The following IQCM variants were observed in gnomAD, a reference collection of about 807,000 sequenced individuals.
IQCM encodes IQ motif containing M, also known as IQ domain-containing protein M.
In IQCM, 45 loss-of-function variants were observed where a neutral mutation model predicts 57.6. That is an observed-to-expected ratio of 0.78 (90% CI 0.62 to 1.00). IQCM has a LOEUF of 1.00. Ranked by LOEUF, IQCM falls within the 50% of genes least tolerant of loss-of-function variation. The pLI is 0.00. For missense variants in IQCM, 468 were observed against 511.6 expected, an observed-to-expected ratio of 0.91 and a Z score of 0.82; for synonymous variants, 148 against 158.9, an observed-to-expected ratio of 0.93 and a Z score of 0.51.
At chr4:149,627,093 AT>A (rs1756877940) in intron 7 of IQCM, among the ~76,000 whole-genome samples, 1 of 152,186 alleles carries the variant, frequency 6.6e-6, no homozygotes, top group Non-Finnish European at 1.5e-5. Context: ...CAGCAGCAGT[AT>A]TTGATACAGC....
chr4:149,413,407 G>A (rs1240913182), intron 13 of IQCM, among the ~76,000 whole-genome samples: 3 of 152,112 alleles, frequency 2.0e-5, no homozygotes, highest in African/African-American at 7.2e-5. Context: ...AACCTGTAGC[G>A]GGGAGCAGAG....
intron 13 of IQCM, among the ~76,000 whole-genome samples, chr4:149,371,331 G>A (rs1022496207): frequency 6.6e-6 from 1 of 152,168 alleles, no homozygotes; most frequent in Non-Finnish European, 1.5e-5. Flanking sequence ...GTGACCCACT[G>A]CCACACTGGA....
chr4:149,381,580 A>C (rs891341267), intron 13 of IQCM, among the ~76,000 whole-genome samples: 2 of 152,060 alleles, frequency 1.3e-5, no homozygotes, highest in Admixed American at 1.3e-4. Flanking sequence ...CTCCTCAATT[A>C]TCTGCCTAGC....
intron 2 of IQCM, among the ~76,000 whole-genome samples, chr4:149,754,240 A>T (rs1208708692): frequency 6.6e-6 from 1 of 152,182 alleles, no homozygotes; most frequent in Non-Finnish European, 1.5e-5. Context: ...CTAGTCAACT[A>T]GGATTTATGC....
At chr4:149,483,378 TTTTC>T (rs1370333237) in intron 12 of IQCM, among the ~76,000 whole-genome samples, 1 of 151,886 alleles carries the variant, frequency 6.6e-6, no homozygotes, top group Admixed American at 6.6e-5. Context: ...TATTTGAAGT[TTTTC>T]TTCTTTTTGA....
At position 149,433,411 on chromosome 4, in the gene IQCM, C is replaced by T. The variant is rs1179666403; in HGVS notation, c.1375G>A (p.Gly459Ser). 4 of 1,223,358 alleles carry T rather than the reference C, an allele frequency of 3.3e-6. No homozygotes were observed. The highest frequency in any genetic ancestry group is 4.1e-6 in the Non-Finnish European group (4 of 980,638). The allele number at this position is 1,223,358 out of a possible 1,614,324, so 75.8% of individuals were successfully genotyped here. A position where few individuals can be genotyped will look rare whatever the true frequency, so the allele number is the denominator to read the frequency against. The change falls in exon 13 of 14, where the codon GGT becomes AGT. Residue 459 changes from glycine to serine, a missense_variant. By Grantham distance (56) the Gly-to-Ser change is moderately conservative. Coordinates refer to ENST00000636793, the MANE Select transcript of IQCM (RefSeq NM_001363507.2). ...WLRPIVNGEE[G>S]YRYIVNGHPA... ...AATATCTTACCTATATATCTATAAC[C>T]TTCTTCCCCATTTACTATGGGTCTC...
chr4:149,561,803 G>A lies in IQCM; in HGVS notation c.948+1889C>T, dbSNP rs145877143. 4.8e-4 allele frequency among the ~76,000 whole-genome samples: 73 copies of A among 152,216 alleles called. 3 individuals carry two copies. The highest frequency in any genetic ancestry group is 4.3e-3 in the Admixed American group (65 of 15,282). ...CCAAATAAGTCATATAAACCATACT[G>A]TCCATATCAAACATGTAAACAGATG... On this transcript the variant is annotated intron_variant, in intron 10 of 13. Transcript: ENST00000636793.
At chr4:149,356,442 C>A (rs1453531289) in intron 13 of IQCM, among the ~76,000 whole-genome samples, 3 of 151,780 alleles carry the variant, frequency 2.0e-5, no homozygotes, top group African/African-American at 4.8e-5. Flanking sequence ...GGAAGGGATC[C>A]AGTTTCAGCT....
intron 12 of IQCM, among the ~76,000 whole-genome samples, chr4:149,442,925 T>TACAC (rs373865453): frequency 1.1e-4 from 14 of 133,168 alleles, no homozygotes; most frequent in Non-Finnish European, 1.6e-4. Context: ...TATCTCTCAA[T>TACAC]ACACACACAC....
At chr4:149,631,530 T>C (rs1033986351) in intron 7 of IQCM, among the ~76,000 whole-genome samples, 5 of 152,214 alleles carry the variant, frequency 3.3e-5, no homozygotes, top group Non-Finnish European at 7.3e-5. Context: ...GTTATGCTTA[T>C]GAAGTATTTT....
chr4:149,570,859 A>G (rs193262126), intron 9 of IQCM, among the ~76,000 whole-genome samples: 8 of 152,260 alleles, frequency 5.3e-5, no homozygotes, highest in African/African-American at 1.9e-4. Context: ...GATTTCCCTA[A>G]AGAAGACATA....
chr4:149,484,424 C>T lies in IQCM; in HGVS notation c.1229-50867G>A, dbSNP rs534504925. ...TCCTTTCAATGAAGGTGATTTTCAC[C>T]GGTGGTATTATTTCTTGCTTTTTAT... is the stretch of plus-strand genomic sequence containing the variant. On this transcript the variant is annotated intron_variant, in intron 12 of 13. Transcript: ENST00000636793. Among the ~76,000 whole-genome samples, 7 of 151,714 alleles carry T rather than the reference C, an allele frequency of 4.6e-5. No individual in the cohort carries two copies. The South Asian group carries it at 6.2e-4, about 14-fold the overall frequency.
At chr4:149,529,841 A>G (rs1157978232) in intron 12 of IQCM, among the ~76,000 whole-genome samples, 2 of 152,196 alleles carry the variant, frequency 1.3e-5, no homozygotes, top group Non-Finnish European at 2.9e-5. Flanking sequence ...CCACTCTTTC[A>G]TAATATAAGT....
intron 12 of IQCM, among the ~76,000 whole-genome samples, chr4:149,493,875 T>C (rs1742365892): frequency 1.2e-5 from 1 of 86,732 alleles, no homozygotes; most frequent in Non-Finnish European, 2.3e-5. Flanking sequence ...GAAAGGAATC[T>C]GGAAATGACA....
chr4:149,613,728 C>T (rs1368326593), intron 8 of IQCM, among the ~76,000 whole-genome samples: 1 of 152,090 alleles, frequency 6.6e-6, no homozygotes, highest in Non-Finnish European at 1.5e-5. Flanking sequence ...GCTCCCCCCA[C>T]CCCACAACAG....
chr4:149,532,541 A>G (rs1337733595), intron 12 of IQCM, among the ~76,000 whole-genome samples: 2 of 151,606 alleles, frequency 1.3e-5, no homozygotes, highest in Non-Finnish European at 2.9e-5. Context: ...CAAGACAAGA[A>G]AAAAAAAGAG....
intron 10 of IQCM, among the ~76,000 whole-genome samples, chr4:149,556,385 T>C (rs1749584447): frequency 6.6e-6 from 1 of 152,078 alleles, no homozygotes; most frequent in Non-Finnish European, 1.5e-5. Context: ...TTTCTGTTAG[T>C]GTGTTTCTTA....
At chr4:149,438,342 T>C (rs879359904) in intron 12 of IQCM, among the ~76,000 whole-genome samples, 2 of 152,142 alleles carry the variant, frequency 1.3e-5, no homozygotes, top group Admixed American at 6.6e-5. Context: ...TAATATTTAA[T>C]AAATAATGAA....
chr4:149,422,871 G>A lies in IQCM; in HGVS notation c.1390+10525C>T, dbSNP rs553179901. 1.5e-3 allele frequency among the ~76,000 whole-genome samples: 226 copies of A among 152,074 alleles called. 1 individual carries two copies. The highest frequency in any genetic ancestry group is 5.3e-3 in the African/African-American group (219 of 41,524). On this transcript the variant is annotated intron_variant, in intron 13 of 13. Transcript: ENST00000636793. The stretch of plus-strand genomic sequence containing the variant: ...TAAATAGTTTTATAAAATCGTGGAA[G>A]AAACTATGACAAAATAATAAAAAGT...
Sources: allele counts gnomAD v4.1 joint callset (sites outside exome capture counted in the v4.1 genomes callset), GRCh38; gene constraint gnomAD v4.1.1; transcripts MANE v1.5; gene names NCBI Gene and HGNC (gene_info 2026-07-23, HGNC 2026-07-21).